The following PTPN11 variants were observed in gnomAD, a reference collection of about 807,000 sequenced individuals.
PTPN11 encodes the protein tyrosine-protein phosphatase non-receptor type 11.
Under a neutral mutation model 78.8 loss-of-function variants are expected in PTPN11, and 6 were observed. The observed-to-expected ratio is 0.08, with a 90% CI of 0.04 to 0.15. The LOEUF (loss-of-function observed/expected upper bound fraction) is 0.15. PTPN11 is among the 10% of genes least tolerant of loss of function. The probability of loss-of-function intolerance (pLI) is 1.00; values close to 1 mark genes in which losing one functional copy is unlikely to be tolerated. For missense variants in PTPN11, 386 were observed against 744.8 expected (o/e 0.52, Z 5.61); for synonymous variants, 221 against 263.5 (o/e 0.84, Z 1.56).
intron 1 of PTPN11, among the ~76,000 whole-genome samples, chr12:112,441,443 TG>T (rs751113894): frequency 6.6e-6 from 1 of 151,120 alleles, no homozygotes; most frequent in Non-Finnish European, 1.5e-5. Context: ...CGTATTTTTT[TG>T]TAGAGACAGG....
At chr12:112,432,413 C>T (rs1232163651) in intron 1 of PTPN11, among the ~76,000 whole-genome samples, 1 of 152,132 alleles carries the variant, frequency 6.6e-6, no homozygotes, top group African/African-American at 2.4e-5. Flanking sequence ...CACCTGCAAT[C>T]CCAGCACTTT....
chr12:112,440,969 T>TCTTTTC (rs200029372), intron 1 of PTPN11, among the ~76,000 whole-genome samples: 2 of 149,914 alleles, frequency 1.3e-5, no homozygotes, highest in East Asian at 3.9e-4. Context: ...TCTTTTCTTT[T>TCTTTTC]TTTTTTTTTT....
At chr12:112,502,068 G>A (rs1218530959) in intron 13 of PTPN11, 76 bp from the exon 14 acceptor site, 8 of 1,183,686 alleles carry the variant, frequency 6.8e-6, no homozygotes, top group Non-Finnish European at 8.6e-6. Flanking sequence ...TCTTTTTTTG[G>A]GCAAAATACC....
chr12:112,446,953 ACTC>A (rs2135857154), intron 2 of PTPN11, among the ~76,000 whole-genome samples: 1 of 151,214 alleles, frequency 6.6e-6, no homozygotes, highest in South Asian at 2.1e-4. Flanking sequence ...GCAGCCTTGA[ACTC>A]CTGGGCTTAA....
At chr12:112,426,552 C>T (rs186901321) in intron 1 of PTPN11, among the ~76,000 whole-genome samples, 76 of 151,854 alleles carry the variant, frequency 5.0e-4, no homozygotes, top group East Asian at 1.4e-3. Flanking sequence ...CCACCGCAGC[C>T]GGCCAAAACT....
chr12:112,503,768 T>C (rs1203946320), intron 14 of PTPN11, among the ~76,000 whole-genome samples: 6 of 152,068 alleles, frequency 3.9e-5, no homozygotes, highest in South Asian at 2.1e-4. Flanking sequence ...ATTCCCGTCG[T>C]CTCCCTTGTA....
intron 6 of PTPN11, among the ~76,000 whole-genome samples, chr12:112,456,617 G>A (rs1476080484): frequency 6.6e-6 from 1 of 151,988 alleles, no homozygotes; most frequent in African/African-American, 2.4e-5. Context: ...ATGCCCCTAT[G>A]CCTGGCTAAT....
chr12:112,497,802 A>G (rs1005283553), intron 13 of PTPN11, among the ~76,000 whole-genome samples: 13 of 152,122 alleles, frequency 8.5e-5, no homozygotes, highest in African/African-American at 2.9e-4. Flanking sequence ...TGTAGACTTT[A>G]TTTGGAGGGA....
At chr12:112,440,059 A>G (rs981495956) in intron 1 of PTPN11, among the ~76,000 whole-genome samples, 4 of 152,146 alleles carry the variant, frequency 2.6e-5, no homozygotes, top group African/African-American at 7.2e-5. Flanking sequence ...TTGAAAAACT[A>G]TAAATAGCTA....
At chr12:112,440,224 A>G (rs2135847360) in intron 1 of PTPN11, among the ~76,000 whole-genome samples, 1 of 152,318 alleles carries the variant, frequency 6.6e-6, no homozygotes, top group Middle Eastern at 3.4e-3. Context: ...AATAATAGGT[A>G]TCACATAAAT....
rs746100813 is a variant in PTPN11, at chr12:112,454,698, C to T, written c.642+18C>T. ...TCAAGCAGGTGAGCAGATTGGAAAG[C>T]TCAAGCTTTCTCCTTAAAAACTTAA... On this transcript the variant is annotated intron_variant, in intron 5 of 15. Transcript: ENST00000351677. 2 of 1,562,226 alleles carry T rather than the reference C, an allele frequency of 1.3e-6. No homozygotes were observed. The highest frequency in any genetic ancestry group is 1.1e-5 in the South Asian group (1 of 89,958).
chr12:112,479,340 A>G (rs913385836), intron 9 of PTPN11, among the ~76,000 whole-genome samples: 8 of 152,110 alleles, frequency 5.3e-5, no homozygotes, highest in African/African-American at 1.4e-4. Flanking sequence ...ATTGGTTTAT[A>G]TAAGATTTTA....
intron 3 of PTPN11, among the ~76,000 whole-genome samples, 156 bp downstream of exon 3, chr12:112,450,668 C>T (rs190208557): frequency 4.6e-5 from 7 of 152,216 alleles, no homozygotes; most frequent in African/African-American, 1.7e-4. Flanking sequence ...AGACTAATAG[C>T]ATCAAATTAT....
intron 13 of PTPN11, among the ~76,000 whole-genome samples, chr12:112,491,246 T>C (rs377331449): frequency 1.3e-5 from 2 of 151,916 alleles, no homozygotes; most frequent in East Asian, 2.0e-4. Context: ...AGGTAGACTT[T>C]TTTGTTAACT....
chr12:112,419,078 C>T lies in PTPN11; in HGVS notation c.-34C>T, dbSNP rs1485501404. The T allele has an allele frequency of 6.5e-7, 1 of 1,533,340 alleles. No individual in the cohort carries two copies. Among genetic ancestry groups the T allele is most frequent in the Non-Finnish European group, 8.8e-7 (1 of 1,142,442 alleles). The allele number at this position is 1,533,340 out of a possible 1,614,324, so 95.0% of individuals were successfully genotyped here. On this transcript the variant is annotated 5_prime_UTR_variant, in exon 1 of 16. Transcript: ENST00000351677. ...AGCCCAGCGGAGCCTGAGCAAGGAG[C>T]GGGTCCGTCGCGGAGCCGGAGGGCG...
At chr12:112,444,600 A>G (rs954360865) in intron 1 of PTPN11, among the ~76,000 whole-genome samples, 2 of 152,160 alleles carry the variant, frequency 1.3e-5, no homozygotes, top group Non-Finnish European at 2.9e-5. Context: ...TCAGCCTCCC[A>G]AAATTCTGGG....
intron 10 of PTPN11, among the ~76,000 whole-genome samples, chr12:112,484,729 A>G (rs2038647555): frequency 6.6e-6 from 1 of 152,032 alleles, no homozygotes; most frequent in African/African-American, 2.4e-5. Context: ...TCAAGTGGAA[A>G]TGGGAGAAAG....
chr12:112,423,556 G>A (rs1449921983), intron 1 of PTPN11, among the ~76,000 whole-genome samples: 1 of 152,082 alleles, frequency 6.6e-6, no homozygotes, highest in Non-Finnish European at 1.5e-5. Flanking sequence ...AAAGTGCTGG[G>A]ATTATAGGCA....
At position 112,508,580 on chromosome 12, in the gene PTPN11, G is replaced by A. The variant is rs1466547075; in HGVS notation, c.*2788G>A. 6.6e-6 allele frequency: 1 copy of A among 152,132 alleles called. No homozygotes were observed. The highest frequency in any genetic ancestry group is 1.9e-4 in the East Asian group (1 of 5,198). The allele number at this position is 152,132 out of a possible 1,614,324, so 9.4% of individuals were successfully genotyped here. Reference sequence around the variant, plus strand: ...TAGGTTGCTGGTGGGTATTAAATATGCACAATATTCCATAGCTCACTGAGG... The same window carrying A: ...TAGGTTGCTGGTGGGTATTAAATATACACAATATTCCATAGCTCACTGAGG... On this transcript the variant is annotated 3_prime_UTR_variant, in exon 16 of 16. Coordinates refer to ENST00000351677, the MANE Select transcript of PTPN11 (RefSeq NM_002834.5).
Sources: allele counts gnomAD v4.1 joint callset (sites outside exome capture counted in the v4.1 genomes callset), GRCh38; gene constraint gnomAD v4.1.1; transcripts MANE v1.5; gene names NCBI Gene and HGNC (gene_info 2026-07-23, HGNC 2026-07-21).